The following RASGRP2 variants were observed in gnomAD, a reference collection of about 807,000 sequenced individuals.
The protein encoded by RASGRP2 is RAS guanyl-releasing protein 2.
Under a neutral mutation model 71.0 loss-of-function variants are expected in RASGRP2, and 44 were observed. That is an observed-to-expected ratio of 0.62 (90% CI 0.49 to 0.80). The LOEUF is 0.80. Ranked by LOEUF, RASGRP2 falls within the 30% of genes least tolerant of loss-of-function variation. The pLI, the probability that RASGRP2 is intolerant of heterozygous loss-of-function variation, is 0.00. For synonymous variants in RASGRP2, 350 were observed against 330.7 expected, an observed-to-expected ratio of 1.06 and a Z score of -0.63; for missense variants, 663 against 813.4, an observed-to-expected ratio of 0.82 and a Z score of 2.25.
intron 8 of RASGRP2, chr11:64,737,256 C>G (rs1270958379): frequency 5.1e-6 from 3 of 593,240 alleles, no homozygotes; most frequent in Non-Finnish European, 9.0e-6. Flanking sequence ...CACCTCTAAA[C>G]CAGGCCTGGA....
rs780403372 is a variant in RASGRP2, at chr11:64,735,120, G to T, written c.1404C>A (p.Asp468Glu). The change falls in exon 12 of 17, where the codon GAC (aspartate) becomes GAA (glutamate). Residue 468 changes from aspartate to glutamate, a missense_variant. Transcript: ENST00000394432. The surrounding 1 kb of genome is among the most constrained non-coding windows in gnomAD (Gnocchi z 4.2). ...FPYLSAFGDLDQNQDGCISRE... is the reference protein window; with the variant it reads ...FPYLSAFGDLEQNQDGCISRE... ...TCCCCAGCCCTCCTCACTGGTTCTG[G>T]TCGAGGTCCCCAAAGGCGCTGAGGT... 1.2e-6 allele frequency: 2 copies of T among 1,613,562 alleles called. No individual in the cohort carries two copies. Among genetic ancestry groups the T allele is most frequent in the Non-Finnish European group, 1.7e-6 (2 of 1,179,480 alleles).
In RASGRP2 at chr11:64,728,716, A is replaced by G. The variant is rs1371403206; in HGVS notation, c.1771+147T>C. 4.4e-6 allele frequency: 4 copies of G among 908,188 alleles called. No homozygotes were observed. The East Asian group carries it at 1.1e-4, about 25-fold the overall frequency. 56.3% of individuals were successfully genotyped at this position (908,188 alleles called of 1,614,324 possible). A position where few individuals can be genotyped will look rare whatever the true frequency, so the allele number is the denominator to read the frequency against. On this transcript the variant is annotated intron_variant, in intron 15 of 16. Transcript: ENST00000394432. ...CCAAAGTGCTGGGATTACAGGCGTG[A>G]GCCACCGCGCCCGGCCTGTCCCTTC...
chr11:64,729,959 A>G, intron 13 of RASGRP2, 94 bp downstream of exon 13: 1 of 1,524,280 alleles, frequency 6.6e-7, no homozygotes, highest in Non-Finnish European at 8.9e-7. Context: ...TCCTGGCTTG[A>G]GAAGGGCTCT....
At chr11:64,741,530 A>C (rs2058121983) in intron 3 of RASGRP2, 29 bp from the exon 4 acceptor site, 1 of 1,535,502 alleles carries the variant, frequency 6.5e-7, no homozygotes, top group East Asian at 2.4e-5. Context: ...GAGGCCGCTT[A>C]ACTCTAGAAA....
At position 64,741,555 on chromosome 11, in the gene RASGRP2, G is replaced by A. The variant is rs987344188; in HGVS notation, c.177-54C>T. On this transcript the variant is annotated intron_variant, in intron 3 of 16. Coordinates refer to ENST00000394432, the MANE Select transcript of RASGRP2 (RefSeq NM_001098671.2). ...AACTCTAGAAAGGGAGGCCTGCGTGGAGGGAGGCTGGGGGCGGGGCCTGGT... is the reference window on the plus strand; with the variant it reads ...AACTCTAGAAAGGGAGGCCTGCGTGAAGGGAGGCTGGGGGCGGGGCCTGGT... 5 of 1,455,902 alleles carry A rather than the reference G, an allele frequency of 3.4e-6. No homozygotes were observed. In the Admixed American group the frequency reaches 5.8e-5, roughly 17 times the overall value. 90.2% of individuals were successfully genotyped at this position (1,455,902 alleles called of 1,614,324 possible).
chr11:64,744,725 C>G (rs961258346), upstream of RASGRP2: 1 of 151,234 alleles, frequency 6.6e-6, no homozygotes, highest in Non-Finnish European at 1.5e-5. Context: ...GCGCCCCGCC[C>G]GCGCTCGCCC....
At position 64,735,955 on chromosome 11, in the gene RASGRP2, T is replaced by C; in HGVS notation, c.1121A>G (p.Glu374Gly). 1 of 1,613,980 alleles carries C rather than the reference T, an allele frequency of 6.2e-7. No homozygotes were observed. Among genetic ancestry groups the C allele is most frequent in the Non-Finnish European group, 8.5e-7 (1 of 1,179,958 alleles). ...LTVSLDQYQT[E>G]DELYQLSLQR... ...CAGGGACAGCTGGTACAGCTCATCC[T>C]CCGTCTGATACTGATCCAGAGACAC... Residue 374 changes from glutamate to glycine, a missense_variant, in exon 10 of 17, where the codon GAG becomes GGG. Physicochemically the swap from Glu to Gly is moderately conservative, Grantham distance 98 (BLOSUM62 -2). Coordinates refer to ENST00000394432, the MANE Select transcript of RASGRP2 (RefSeq NM_001098671.2). This position sits in a 1 kb window ranked among gnomAD's most constrained non-coding sequence, Gnocchi z 4.2.
intron 5 of RASGRP2, 165 bp from the exon 6 acceptor site, chr11:64,740,328 A>C (rs2058082031): frequency 5.1e-6 from 4 of 778,818 alleles, no homozygotes; most frequent in South Asian, 2.9e-5. Context: ...ATCTCCCCCG[A>C]CCCCGTCATG....
chr11:64,744,335 C>G (rs1317202119), upstream of RASGRP2: 1 of 985,286 alleles, frequency 1.0e-6, no homozygotes, highest in African/African-American at 1.7e-5. Flanking sequence ...ATACTCACTC[C>G]CCCAGGCTGG....
chr11:64,737,106 G>A, intron 8 of RASGRP2, 72 bp from the exon 9 acceptor site: 1 of 1,577,342 alleles, frequency 6.3e-7, no homozygotes, highest in Non-Finnish European at 8.7e-7. Context: ...AATGTAGGAG[G>A]GGGTGAGGAG....
chr11:64,727,061 C>A lies in RASGRP2; in HGVS notation c.*77G>T. On this transcript the variant is annotated 3_prime_UTR_variant, in exon 17 of 17. Coordinates refer to ENST00000394432, the MANE Select transcript of RASGRP2 (RefSeq NM_001098671.2). ...CCCCATCCCCAGCCTCCTGCCCCGA[C>A]ACCCCCAGGCTCCCTGCTCTGGTTG... 2 of 444,344 alleles carry A rather than the reference C, an allele frequency of 4.5e-6. No homozygotes were observed. The highest frequency in any genetic ancestry group is 8.5e-6 in the Non-Finnish European group (2 of 235,758). 27.5% of individuals were successfully genotyped at this position (444,344 alleles called of 1,614,324 possible).
At position 64,735,425 on chromosome 11, in the gene RASGRP2, G is replaced by A; in HGVS notation, c.1296+117C>T. 1.3e-6 allele frequency: 2 copies of A among 1,570,430 alleles called. No individual in the cohort carries two copies. The highest frequency in any genetic ancestry group is 4.5e-5 in the East Asian group (2 of 44,692). ...CCGTGCAGCTGGCCTGCCAGGCCCTGTGACTCCTAGGGGCTGAGTGCTGGG... is the reference window on the plus strand; with the variant it reads ...CCGTGCAGCTGGCCTGCCAGGCCCTATGACTCCTAGGGGCTGAGTGCTGGG... On this transcript the variant is annotated intron_variant, in intron 11 of 16. Transcript: ENST00000394432. This position sits in a 1 kb window ranked among gnomAD's most constrained non-coding sequence, Gnocchi z 4.2.
intron 12 of RASGRP2, among the ~76,000 whole-genome samples, chr11:64,734,681 C>T (rs904914456): frequency 4.6e-5 from 7 of 152,132 alleles, no homozygotes; most frequent in African/African-American, 1.7e-4. Context: ...GTTTAACCTA[C>T]TTCAGAGAAC....
rs1205475318 is a variant in RASGRP2, at chr11:64,742,783, G to A, written c.73+11C>T. The A allele has an allele frequency of 2.5e-6, 4 of 1,602,532 alleles. No individual in the cohort carries two copies. Among genetic ancestry groups the A allele is most frequent in the South Asian group, 1.1e-5 (1 of 88,998 alleles). On this transcript the variant is annotated intron_variant, in intron 2 of 16. Transcript: ENST00000394432. The surrounding 1 kb of genome is among the most constrained non-coding windows in gnomAD (Gnocchi z 4.7). Reference sequence around the variant, plus strand: ...AGGCTCAGGCTCCGTGTGCCCTCCCGAGCCACTCACCGAAGGCTTCGATGC... The same window carrying A: ...AGGCTCAGGCTCCGTGTGCCCTCCCAAGCCACTCACCGAAGGCTTCGATGC...
In RASGRP2 at chr11:64,735,137, C is replaced by G; in HGVS notation, c.1387G>C (p.Ala463Pro). 1 of 1,614,140 alleles carries G rather than the reference C, an allele frequency of 6.2e-7. No individual in the cohort carries two copies. The highest frequency in any genetic ancestry group is 8.5e-7 in the Non-Finnish European group (1 of 1,179,982). The change falls in exon 12 of 17, where the codon GCC (alanine) becomes CCC (proline). Residue 463 changes from alanine to proline, a missense_variant. Physicochemically the swap from Ala to Pro is conservative, Grantham distance 27. Transcript: ENST00000394432. This position sits in a 1 kb window ranked among gnomAD's most constrained non-coding sequence, Gnocchi z 4.2. ...IIRGNFPYLS[A>P]FGDLDQNQDG... Reference sequence around the variant, plus strand: ...TGGTTCTGGTCGAGGTCCCCAAAGGCGCTGAGGTAAGGGAAGTTCCCACGG... The same window carrying G: ...TGGTTCTGGTCGAGGTCCCCAAAGGGGCTGAGGTAAGGGAAGTTCCCACGG...
At chr11:64,733,395 A>AACACACAC (rs4014428) in intron 12 of RASGRP2, among the ~76,000 whole-genome samples, 156 of 124,896 alleles carry the variant, frequency 1.2e-3, no homozygotes, top group Middle Eastern at 4.3e-3. Flanking sequence ...CCCCCTCACC[A>AACACACAC]ACACACACAC....
At chr11:64,740,830 G>T in intron 5 of RASGRP2, 118 bp downstream of exon 5, 1 of 1,388,398 alleles carries the variant, frequency 7.2e-7, no homozygotes, top group Non-Finnish European at 1.0e-6. Flanking sequence ...AGCCATGGAA[G>T]GTTTTTAAGC....
intron 8 of RASGRP2, among the ~76,000 whole-genome samples, chr11:64,738,121 G>A (rs1183609134): frequency 1.3e-5 from 2 of 152,086 alleles, no homozygotes; most frequent in African/African-American, 4.8e-5. Flanking sequence ...AAAAACAATT[G>A]CTCCACATGA....
rs1592380876 is a variant in RASGRP2, at chr11:64,739,978, A to G, written c.522+35T>C. On this transcript the variant is annotated intron_variant, in intron 6 of 16. Transcript: ENST00000394432. This position sits in a 1 kb window ranked among gnomAD's most constrained non-coding sequence, Gnocchi z 4.2. ...CTCCTAGAACTCTCTTCCAGCCCAC[A>G]TTGGACCCCTGACCCCCCAGCCCTC... 6.2e-7 allele frequency: 1 copy of G among 1,613,652 alleles called. No homozygotes were observed. Among genetic ancestry groups the G allele is most frequent in the South Asian group, 1.1e-5 (1 of 91,066 alleles).
Sources: gnomAD v4.1 joint callset for allele counts (sites outside exome capture counted in the v4.1 genomes callset) on GRCh38, gnomAD v4.1.1 for gene constraint, Gnocchi (gnomAD v3.1) non-coding constraint, MANE v1.5 for transcripts, NCBI Gene and HGNC (gene_info 2026-07-23, HGNC 2026-07-21) for gene names.